REXO2: variants seen among roughly 807,000 people sequenced by gnomAD.
REXO2 encodes the protein oligoribonuclease, mitochondrial.
Under a neutral mutation model 30.9 loss-of-function variants are expected in REXO2, and 17 were observed. The observed-to-expected ratio is 0.55, with a 90% CI of 0.38 to 0.82. The LOEUF (loss-of-function observed/expected upper bound fraction) is 0.82, where lower values mean the gene tolerates loss of function less well. Among genes scored for constraint, REXO2 ranks in the 40% least tolerant of loss-of-function variants. The pLI is 0.00. For missense variants in REXO2, 253 were observed against 293.2 expected, an observed-to-expected ratio of 0.86 and a Z score of 1.00; for synonymous variants, 105 against 99.6, an observed-to-expected ratio of 1.05 and a Z score of -0.32.
At chr11:114,439,874 T>C in intron 1 of REXO2, 199 bp downstream of exon 1, 1 of 622,924 alleles carries the variant, frequency 1.6e-6, no homozygotes, top group South Asian at 2.1e-5. Context: ...GCTGTAGGGC[T>C]TCTTTCCACA....
intron 3 of REXO2, chr11:114,444,220 A>C (rs369861761): frequency 3.3e-6 from 2 of 609,680 alleles, no homozygotes; most frequent in Non-Finnish European, 6.1e-6. Flanking sequence ...AAGGTTAGAC[A>C]TCAACTTTCA....
At chr11:114,445,390 A>G (rs1946505199) in intron 4 of REXO2, 1 of 152,420 alleles carries the variant, frequency 6.6e-6, no homozygotes, top group Non-Finnish European at 1.5e-5. Context: ...GTGGTAGCTA[A>G]TACTGTTCTT....
chr11:114,445,904 A>G (rs1040516229), intron 4 of REXO2, 75 bp from the exon 5 acceptor site: 3 of 816,088 alleles, frequency 3.7e-6, no homozygotes, highest in Admixed American at 4.3e-5. Flanking sequence ...CATTTCAAAT[A>G]CAACTTATGA....
Position 114,450,036 on chromosome 11 carries a change from T to TC in REXO2, c.*62dup. On this transcript the variant is annotated 3_prime_UTR_variant, in exon 7 of 7. Coordinates refer to ENST00000265881, the MANE Select transcript of REXO2 (RefSeq NM_015523.4). The stretch of plus-strand genomic sequence containing the variant: ...GAGGCAACTTCTGGTGGTTTTTTTT[T>TC]CTCACGCTGATGGCTTGGCAGAGCA... The TC allele has an allele frequency of 6.6e-7, 1 of 1,522,570 alleles. No individual in the cohort carries two copies. The highest frequency in any genetic ancestry group is 8.8e-7 in the Non-Finnish European group (1 of 1,133,930). 94.3% of individuals were successfully genotyped at this position (1,522,570 alleles called of 1,614,324 possible).
intron 5 of REXO2, 131 bp from the exon 6 acceptor site, chr11:114,447,695 C>A: frequency 1.5e-6 from 1 of 650,600 alleles, no homozygotes; most frequent in Non-Finnish European, 2.6e-6. Context: ...AGATAGAGGC[C>A]CCGGCAAAGA....
intron 2 of REXO2, 125 bp downstream of exon 2, chr11:114,440,864 C>CTA (rs1946472228): frequency 4.4e-6 from 3 of 681,382 alleles, no homozygotes. Context: ...AGGTAATGTG[C>CTA]TAGGTCATGG....
At chr11:114,447,730 A>C (rs1565271885) in intron 5 of REXO2, 96 bp from the exon 6 acceptor site, 2 of 1,007,422 alleles carry the variant, frequency 2.0e-6, no homozygotes, top group East Asian at 5.0e-5. Flanking sequence ...CATGACTCAA[A>C]TGCCATTTTC....
intron 1 of REXO2, chr11:114,440,090 C>T (rs1031886933): frequency 6.4e-6 from 3 of 472,084 alleles, no homozygotes; most frequent in South Asian, 1.5e-5. Context: ...TCAGCCTTAC[C>T]CCTCATTCCA....
chr11:114,440,873 G>C, intron 2 of REXO2, 134 bp downstream of exon 2: 1 of 599,106 alleles, frequency 1.7e-6, no homozygotes, highest in Non-Finnish European at 2.9e-6. Flanking sequence ...GCTAGGTCAT[G>C]GTAGGGGTGG....
At chr11:114,449,660 T>G (rs903157684) in intron 6 of REXO2, among the ~76,000 whole-genome samples, 186 bp from the exon 7 acceptor site, 1 of 152,144 alleles carries the variant, frequency 6.6e-6, no homozygotes, top group Non-Finnish European at 1.5e-5. Flanking sequence ...TTGTCAAAAG[T>G]TTTTAAAAAA....
At chr11:114,446,244 C>G in intron 5 of REXO2, 157 bp downstream of exon 5, 1 of 440,494 alleles carries the variant, frequency 2.3e-6, no homozygotes, top group South Asian at 5.8e-5. Flanking sequence ...CTTAACTTAC[C>G]CTGGACTGGT....
intron 6 of REXO2, among the ~76,000 whole-genome samples, chr11:114,448,660 A>G (rs77823418): frequency 1.1e-3 from 161 of 152,324 alleles, no homozygotes; most frequent in African/African-American, 3.6e-3. Context: ...CTACATCTGT[A>G]TTGTTTATTA....
At position 114,446,077 on chromosome 11, in the gene REXO2, G is replaced by T. The variant is rs771610958; in HGVS notation, c.520G>T (p.Glu174Ter). The part of the protein sequence containing the change: ...YRIIDVSTVK[E>*]LCRRWYPEEY... ...AATAATTGATGTGAGCACTGTTAAA[G>T]AACTGTGCAGGTAAGGGCTATATTT... Residue 174 changes from glutamate (E) to a stop codon, truncating the protein, a stop_gained, in exon 5 of 7, where the codon GAA becomes TAA. Coordinates refer to ENST00000265881, the MANE Select transcript of REXO2 (RefSeq NM_015523.4). LOFTEE classifies it high-confidence loss of function. 6.5e-7 allele frequency: 1 copy of T among 1,549,966 alleles called. No homozygotes were observed. The highest frequency in any genetic ancestry group is 2.3e-5 in the East Asian group (1 of 44,338).
Position 114,447,843 on chromosome 11 carries a change from A to C in REXO2, c.548A>C (p.Glu183Ala), listed in dbSNP as rs1406407057. ...GTGTATAGACGCTGGTATCCAGAAG[A>C]ATATGAATTTGCACCAAAGAAGGCT... ...KELCRRWYPE[E>A]YEFAPKKAAS... is the part of the protein sequence containing the mutation. Residue 183 changes from glutamate (E) to alanine (A), a missense_variant, in exon 6 of 7, where the codon GAA (glutamate) becomes GCA (alanine). Glu to Ala is a moderately radical substitution (Grantham distance 107). Transcript: ENST00000265881. 1 of 1,613,824 alleles carries C rather than the reference A, an allele frequency of 6.2e-7. No individual in the cohort carries two copies. Among genetic ancestry groups the C allele is most frequent in the South Asian group, 1.1e-5 (1 of 91,026 alleles).
intron 3 of REXO2, 135 bp downstream of exon 3, chr11:114,444,068 A>G (rs1301445666): frequency 1.4e-6 from 1 of 718,318 alleles, no homozygotes; most frequent in African/African-American, 1.7e-5. Flanking sequence ...AGCCTGGGAA[A>G]CTGCTTGCTT....
chr11:114,442,358 AT>A (rs1448336093), intron 2 of REXO2, among the ~76,000 whole-genome samples: 4 of 151,420 alleles, frequency 2.6e-5, no homozygotes, highest in Admixed American at 2.0e-4. Flanking sequence ...CATTGTTAGT[AT>A]TTTTTTTAAT....
chr11:114,441,818 T>C, intron 2 of REXO2: 1 of 701,256 alleles, frequency 1.4e-6, no homozygotes, highest in South Asian at 1.5e-5. Flanking sequence ...TCCCCACATA[T>C]CAACTGTAGG....
rs1420904011 is a variant in REXO2, at chr11:114,444,587, A to C, written c.356A>C (p.Gln119Pro). The change falls in exon 4 of 7, where the codon CAG becomes CCG. Residue 119 changes from glutamine to proline, a missense_variant. Transcript: ENST00000265881. ...AAGGAGAGTACAATTACATTGCAGCAGGCAGAGTATGAATTTCTGTCCTTT... is the reference window on the plus strand; with the variant it reads ...AAGGAGAGTACAATTACATTGCAGCCGGCAGAGTATGAATTTCTGTCCTTT... ...AVKESTITLQ[Q>P]AEYEFLSFVR... The C allele has an allele frequency of 6.2e-7, 1 of 1,612,356 alleles. No homozygotes were observed. Among genetic ancestry groups the C allele is most frequent in the East Asian group, 2.2e-5 (1 of 44,850 alleles).
Position 114,439,630 on chromosome 11 carries a change from G to A in REXO2, c.102G>A (p.Ala34=), listed in dbSNP as rs912461129. The A allele has an allele frequency of 1.2e-6, 2 of 1,600,848 alleles. No homozygotes were observed. The highest frequency in any genetic ancestry group is 1.7e-6 in the Non-Finnish European group (2 of 1,175,322). ...RGVREGGAAM[A]AGESMAQRMV... is the part of the protein sequence containing the mutation. ...TCCGCGAAGGTGGCGCAGCCATGGC[G>A]GCAGGGGAGAGCATGGCTCAGCGGA... Residue 34 remains alanine (A), a synonymous_variant, in exon 1 of 7, where the codon GCG becomes GCA. Transcript: ENST00000265881.
Sources: allele counts gnomAD v4.1 joint callset (sites outside exome capture counted in the v4.1 genomes callset), GRCh38; gene constraint gnomAD v4.1.1; transcripts MANE v1.5; gene names NCBI Gene and HGNC (gene_info 2026-07-23, HGNC 2026-07-21).